The following NOMO2 variants were observed in gnomAD, a reference collection of about 807,000 sequenced individuals.
NOMO2 encodes the protein BOS complex subunit NOMO2.
In NOMO2, 14 loss-of-function variants were observed where a neutral mutation model predicts 67.1. That is an observed-to-expected ratio of 0.21 (90% CI 0.14 to 0.33). The LOEUF is 0.33. Among genes scored for constraint, NOMO2 ranks in the 10% least tolerant of loss-of-function variants. The probability of loss-of-function intolerance (pLI) is 1.00; values close to 1 mark genes in which losing one functional copy is unlikely to be tolerated. For synonymous variants in NOMO2, 80 were observed against 305.9 expected, an observed-to-expected ratio of 0.26 and a Z score of 7.71; for missense variants, 178 against 761.0, an observed-to-expected ratio of 0.23 and a Z score of 9.01.
At chr16:18,530,283 G>C (rs375187488) in intron 14 of NOMO2, among the ~76,000 whole-genome samples, 996 of 49,830 alleles carry the variant, frequency 0.02, 7 homozygotes, top group Middle Eastern at 0.047. Context: ...TCAACCACTC[G>C]ACTTGGCCAC....
At chr16:18,534,488 C>T (rs1293179485) in intron 11 of NOMO2, among the ~76,000 whole-genome samples, 2 of 127,984 alleles carry the variant, frequency 1.6e-5, no homozygotes, top group Non-Finnish European at 3.3e-5. Context: ...GACCGTATGG[C>T]TCACGCAGCC....
chr16:18,528,749 GT>G (rs1366967020), intron 15 of NOMO2, among the ~76,000 whole-genome samples: 1 of 150,724 alleles, frequency 6.6e-6, no homozygotes, highest in Non-Finnish European at 1.5e-5. Context: ...GAGGTCAGGA[GT>G]TTTAAGACCA....
At chr16:18,545,841 TC>T (rs1303129031) in intron 6 of NOMO2, among the ~76,000 whole-genome samples, 1 of 46,452 alleles carries the variant, frequency 2.2e-5, no homozygotes, top group Non-Finnish European at 3.8e-5. Context: ...GAAGTCCCCC[TC>T]CTCCCTCTTT....
chr16:18,558,514 G>A (rs1901963061), intron 1 of NOMO2, among the ~76,000 whole-genome samples: 2 of 150,832 alleles, frequency 1.3e-5, no homozygotes, highest in African/African-American at 4.9e-5. Flanking sequence ...GGTCTGGAAT[G>A]AGGGCCAGAA....
chr16:18,541,857 A>AC (rs1178838993), intron 9 of NOMO2, among the ~76,000 whole-genome samples: 2 of 141,200 alleles, frequency 1.4e-5, no homozygotes, highest in African/African-American at 5.2e-5. Context: ...AAAAAAAAAA[A>AC]AAAAAAAATG....
intron 4 of NOMO2, among the ~76,000 whole-genome samples, chr16:18,550,361 C>T (rs1232196680): frequency 6.8e-6 from 1 of 146,122 alleles, no homozygotes; most frequent in African/African-American, 2.5e-5. Flanking sequence ...GAGCGAGACT[C>T]TGTCTCAAAA....
intron 3 of NOMO2, among the ~76,000 whole-genome samples, chr16:18,554,028 A>G (rs1428861854): frequency 2.7e-5 from 4 of 150,280 alleles, no homozygotes; most frequent in Non-Finnish European, 5.9e-5. Context: ...AAACATCAAG[A>G]GTCTCTCCTC....
chr16:18,561,173 TAAAAAAAAAAA>T lies in NOMO2; in HGVS notation c.165+692_165+702del, dbSNP rs756246897. Among the ~76,000 whole-genome samples the T allele has an allele frequency of 6.8e-3, 221 of 32,456 alleles. 1 individual carries two copies. Among genetic ancestry groups the T allele is most frequent in the African/African-American group, 0.025 (203 of 8,116 alleles). The allele number at this position is 32,456 out of a possible 152,430, so 21.3% of individuals were successfully genotyped here. On this transcript the variant is annotated intron_variant, in intron 1 of 30. Coordinates refer to ENST00000622306, the MANE Select transcript of NOMO2 (RefSeq NM_173614.4). ...ATTTAACAGGACTTTACAACTTAAT[TAAAAAAAAAAA>T]AAAAAAAAAAAAAAAAAAAAAAACC...
At chr16:18,560,967 C>T (rs1347676474) in intron 1 of NOMO2, among the ~76,000 whole-genome samples, 2 of 150,940 alleles carry the variant, frequency 1.3e-5, no homozygotes, top group Non-Finnish European at 2.9e-5. Context: ...CTCCGAGGCA[C>T]CCGCTCTTTT....
intron 3 of NOMO2, among the ~76,000 whole-genome samples, chr16:18,554,449 T>A (rs1160586186): frequency 6.6e-6 from 1 of 151,910 alleles, no homozygotes; most frequent in Non-Finnish European, 1.5e-5. Flanking sequence ...CCATAAAAAA[T>A]TAAAAAACTG....
chr16:18,559,005 G>GA (rs1901977584), intron 1 of NOMO2, among the ~76,000 whole-genome samples: 1 of 151,520 alleles, frequency 6.6e-6, no homozygotes, highest in Non-Finnish European at 1.5e-5. Context: ...ATCCCTACTA[G>GA]AAAAAAAATT....
chr16:18,550,932 CG>C (rs879755716), intron 4 of NOMO2, among the ~76,000 whole-genome samples: 162 of 151,592 alleles, frequency 1.1e-3, no homozygotes, highest in Non-Finnish European at 2.0e-3. Flanking sequence ...TGGAGGCAGG[CG>C]GATCACCTGA....
chr16:18,540,349 C>T (rs1336899071), intron 9 of NOMO2, among the ~76,000 whole-genome samples: 1 of 151,492 alleles, frequency 6.6e-6, no homozygotes, highest in Non-Finnish European at 1.5e-5. Flanking sequence ...TTTTGCTGGG[C>T]ACCTACTATG....
chr16:18,556,392 G>A (rs187983397), intron 2 of NOMO2, among the ~76,000 whole-genome samples: 616 of 151,198 alleles, frequency 4.1e-3, no homozygotes, highest in African/African-American at 0.014. Context: ...GCAGTGAGCC[G>A]AGATCGCGCC....
chr16:18,545,269 T>C (rs983152031), intron 6 of NOMO2, among the ~76,000 whole-genome samples: 3 of 147,984 alleles, frequency 2.0e-5, no homozygotes, highest in African/African-American at 7.4e-5. Context: ...CTAATTTTTT[T>C]CTATTTTTAG....
At chr16:18,543,572 C>A in intron 7 of NOMO2, 45 bp downstream of exon 7, 2 of 1,610,248 alleles carry the variant, frequency 1.2e-6, no homozygotes, top group Non-Finnish European at 1.7e-6. Context: ...AATCCCCCAC[C>A]CTCCTACCCT....
chr16:18,530,229 T>C (rs1901264962), intron 14 of NOMO2, among the ~76,000 whole-genome samples: 4 of 62,520 alleles, frequency 6.4e-5, no homozygotes. Context: ...ACAAACTTTT[T>C]CTGTAACTCT....
Position 18,533,185 on chromosome 16 carries a change from A to G in NOMO2, c.1221-6T>C, listed in dbSNP as rs1169208621. The G allele has an allele frequency of 4.3e-6, 7 of 1,611,184 alleles. No homozygotes were observed. Among genetic ancestry groups the G allele is most frequent in the African/African-American group, 1.3e-5 (1 of 74,752 alleles). ...TCCGACCACAGACACTGAACCTGCA[A>G]AGAGAAGACCATTCATTCCAGCACG... is the stretch of plus-strand genomic sequence containing the variant. On this transcript the variant is annotated splice_region_variant and splice_polypyrimidine_tract_variant and intron_variant, in intron 11 of 30. Coordinates refer to ENST00000622306, the MANE Select transcript of NOMO2 (RefSeq NM_173614.4).
At chr16:18,535,359 G>C (rs1232113846) in intron 11 of NOMO2, among the ~76,000 whole-genome samples, 2 of 150,498 alleles carry the variant, frequency 1.3e-5, no homozygotes, top group African/African-American at 4.8e-5. Context: ...AAGTATCAGT[G>C]TGCTAAAAAG....
Sources: gnomAD v4.1 joint callset for allele counts (sites outside exome capture counted in the v4.1 genomes callset) on GRCh38, gnomAD v4.1.1 for gene constraint, MANE v1.5 for transcripts, NCBI Gene and HGNC (gene_info 2026-07-23, HGNC 2026-07-21) for gene names.